Variants in LRRC27 observed in about 807,000 individuals in gnomAD.
LRRC27 encodes the protein leucine-rich repeat-containing protein 27.
Under a neutral mutation model 55.0 loss-of-function variants are expected in LRRC27, and 57 were observed. The ratio of observed to expected loss-of-function variants is 1.04; its 90% CI spans 0.84 to 1.29. The LOEUF (loss-of-function observed/expected upper bound fraction) is 1.29, where lower values mean the gene tolerates loss of function less well. Among genes scored for constraint, LRRC27 ranks in the 50% most tolerant of loss-of-function variants. The pLI, the probability that LRRC27 is intolerant of heterozygous loss-of-function variation, is 0.00. For missense variants in LRRC27, 721 were observed against 651.5 expected, an observed-to-expected ratio of 1.11 and a Z score of -1.16; for synonymous variants, 278 against 251.9, an observed-to-expected ratio of 1.10 and a Z score of -0.98.
At chr10:132,360,695 G>A (rs1233552827) in intron 8 of LRRC27, among the ~76,000 whole-genome samples, 1 of 152,232 alleles carries the variant, frequency 6.6e-6, no homozygotes, top group African/African-American at 2.4e-5. Flanking sequence ...TTGGAGGAGA[G>A]AATGGCAGAT....
chr10:132,355,994 G>A (rs529744159), intron 8 of LRRC27, 108 bp downstream of exon 8: 8 of 753,464 alleles, frequency 1.1e-5, no homozygotes, highest in African/African-American at 1.8e-5. Flanking sequence ...GGGGGTGTGG[G>A]TGGGTGCTCA....
In LRRC27 at chr10:132,352,788, C is replaced by T. The variant is rs1269705750; in HGVS notation, c.1073+1035C>T. The T allele has an allele frequency of 3.6e-6, 5 of 1,403,972 alleles. No homozygotes were observed. In the Admixed American group the frequency reaches 9.7e-5, roughly 27 times the overall value. 87.0% of individuals were successfully genotyped at this position (1,403,972 alleles called of 1,614,324 possible). On this transcript the variant is annotated intron_variant, in intron 7 of 10. Coordinates refer to ENST00000368614, the MANE Select transcript of LRRC27 (RefSeq NM_030626.3). Reference sequence around the variant, plus strand: ...TGTGGGACAGGCCGGTTGCAGTGCTCGCGGTCGCCCCCTTGTGTCCGTCTT... The same window carrying T: ...TGTGGGACAGGCCGGTTGCAGTGCTTGCGGTCGCCCCCTTGTGTCCGTCTT...
At position 132,374,599 on chromosome 10, in the gene LRRC27, TG is replaced by T. The variant is rs1297316158; in HGVS notation, c.1417-462del. On this transcript the variant is annotated intron_variant, in intron 10 of 10. Transcript: ENST00000368614. The surrounding 1 kb of genome is among the most constrained non-coding windows in gnomAD (Gnocchi z 4.4). ...ATCCACAGCTTCTGTGTCTGTGGGG[TG>T]GGGGTGGCAATTGTGGCCCCATCTG... Among the ~76,000 whole-genome samples the T allele has an allele frequency of 1.3e-5, 2 of 152,106 alleles. No individual in the cohort carries two copies. The highest frequency in any genetic ancestry group is 4.8e-5 in the African/African-American group (2 of 41,404).
chr10:132,343,053 A>G (rs950352971), intron 4 of LRRC27, among the ~76,000 whole-genome samples: 2 of 152,212 alleles, frequency 1.3e-5, no homozygotes, highest in Non-Finnish European at 2.9e-5. Flanking sequence ...CATGCCTGTA[A>G]TCTTAGCACC....
At chr10:132,357,320 AC>A (rs2068353617) in intron 8 of LRRC27, among the ~76,000 whole-genome samples, 1 of 152,372 alleles carries the variant, frequency 6.6e-6, no homozygotes, top group East Asian at 1.9e-4. Flanking sequence ...GTTTAAAAAT[AC>A]ATATTTTGCC....
intron 10 of LRRC27, chr10:132,366,839 C>T: frequency 7.8e-7 from 1 of 1,279,430 alleles, no homozygotes; most frequent in Non-Finnish European, 1.0e-6. Flanking sequence ...GTTTCCCTCT[C>T]TCCTAGAGCC....
rs914075190 is a variant in LRRC27, at chr10:132,375,362, G to C, written c.*120G>C. 4.7e-6 allele frequency: 4 copies of C among 858,850 alleles called. No individual in the cohort carries two copies. Among genetic ancestry groups the C allele is most frequent in the Non-Finnish European group, 5.3e-6 (3 of 566,918 alleles). The allele number at this position is 858,850 out of a possible 1,614,324, so 53.2% of individuals were successfully genotyped here. ...CAGGTTCAGTGTTACCCTGAGGGCT[G>C]ATTTCGCGCAGCCTGTTGTTTTCCT... On this transcript the variant is annotated 3_prime_UTR_variant, in exon 11 of 11. Transcript: ENST00000368614.
chr10:132,347,532 T>A (rs1021615120), intron 5 of LRRC27, among the ~76,000 whole-genome samples: 12 of 148,262 alleles, frequency 8.1e-5, no homozygotes, highest in African/African-American at 2.8e-4. Context: ...CATGGGAAGG[T>A]CAGGTGCACC....
intron 8 of LRRC27, among the ~76,000 whole-genome samples, chr10:132,359,862 G>T (rs1277690054): frequency 6.6e-6 from 1 of 152,150 alleles, no homozygotes; most frequent in Non-Finnish European, 1.5e-5. Context: ...ACAAACCCTG[G>T]CGCAAAGCCC....
intron 6 of LRRC27, chr10:132,350,494 A>G (rs934868013): frequency 2.6e-5 from 4 of 152,330 alleles, no homozygotes; most frequent in Admixed American, 6.5e-5. Flanking sequence ...AGCACAGGCC[A>G]TGCCTGCCCT....
In LRRC27 at chr10:132,361,474, C is replaced by G; in HGVS notation, c.1188C>G (p.Pro396=). 6.2e-7 allele frequency: 1 copy of G among 1,613,146 alleles called. No homozygotes were observed. The highest frequency in any genetic ancestry group is 8.5e-7 in the Non-Finnish European group (1 of 1,179,282). The part of the protein sequence containing the change: ...PRRSMVASKI[P]SATDLIDNRK... ...TTTCCTAGGTGGCATCAAAGATTCC[C>G]TCTGCCACAGATCTGATAGATAACA... is the stretch of plus-strand genomic sequence containing the variant. The change falls in exon 9 of 11, where the codon CCC becomes CCG. Residue 396 remains proline, a synonymous_variant. Coordinates refer to ENST00000368614, the MANE Select transcript of LRRC27 (RefSeq NM_030626.3).
At chr10:132,362,448 G>A (rs1403370743) in intron 9 of LRRC27, among the ~76,000 whole-genome samples, 2 of 152,168 alleles carry the variant, frequency 1.3e-5, no homozygotes, top group African/African-American at 4.8e-5. Context: ...GCGAGTTCAC[G>A]GGGCAGGACA....
chr10:132,353,724 G>A (rs2068175591), intron 7 of LRRC27, among the ~76,000 whole-genome samples: 2 of 152,202 alleles, frequency 1.3e-5, no homozygotes, highest in South Asian at 4.1e-4. Context: ...GGCCCAGGGA[G>A]CACCGGGAAG....
At chr10:132,337,121 T>G (rs2067172897) in intron 2 of LRRC27, 1 of 1,209,308 alleles carries the variant, frequency 8.3e-7, no homozygotes, top group East Asian at 5.2e-5. Flanking sequence ...TTTTAATGAT[T>G]GAGTTGGGCT....
At chr10:132,352,919 C>G (rs2132964566) in intron 7 of LRRC27, 6 of 1,614,004 alleles carry the variant, frequency 3.7e-6, no homozygotes, top group Non-Finnish European at 5.1e-6. Context: ...ATTCCAGGCC[C>G]TGACACGGTC....
intron 10 of LRRC27, among the ~76,000 whole-genome samples, chr10:132,373,144 T>G (rs2069255524): frequency 6.6e-6 from 1 of 152,044 alleles, no homozygotes; most frequent in Non-Finnish European, 1.5e-5. Flanking sequence ...CCAGAAGAAC[T>G]CCCAAGGCAA....
In LRRC27 at chr10:132,351,292, G is replaced by T. The variant is rs2067997523; in HGVS notation, c.927-315G>T. The T allele has an allele frequency of 5.9e-5, 18 of 306,666 alleles. No individual in the cohort carries two copies. The South Asian group carries it at 6.6e-4, about 11-fold the overall frequency. 19.0% of individuals were successfully genotyped at this position (306,666 alleles called of 1,614,324 possible). A position where few individuals can be genotyped will look rare whatever the true frequency, so the allele number is the denominator to read the frequency against. On this transcript the variant is annotated intron_variant, in intron 6 of 10. Coordinates refer to ENST00000368614, the MANE Select transcript of LRRC27 (RefSeq NM_030626.3). Reference sequence around the variant, plus strand: ...GACAAGGGTGCGGCATTGGTCTCAAGCAGGTCGGGTGCAGCTGCCGAGGCT... The same window carrying T: ...GACAAGGGTGCGGCATTGGTCTCAATCAGGTCGGGTGCAGCTGCCGAGGCT...
upstream of LRRC27, among the ~76,000 whole-genome samples, chr10:132,330,641 G>T (rs1350688156): frequency 4.7e-5 from 7 of 150,164 alleles, no homozygotes; most frequent in Non-Finnish European, 8.9e-5. Context: ...CCACACAGCT[G>T]GAACTACAGG....
chr10:132,368,826 C>T (rs1374654200), intron 10 of LRRC27, among the ~76,000 whole-genome samples: 1 of 152,210 alleles, frequency 6.6e-6, no homozygotes, highest in South Asian at 2.1e-4. Context: ...TCAAAAACTT[C>T]TGTTCTATGT....
Sources: gnomAD v4.1 joint callset for allele counts (sites outside exome capture counted in the v4.1 genomes callset) on GRCh38, gnomAD v4.1.1 for gene constraint, Gnocchi (gnomAD v3.1) non-coding constraint, MANE v1.5 for transcripts, NCBI Gene and HGNC (gene_info 2026-07-23, HGNC 2026-07-21) for gene names.